Variants in FREM3 observed in about 807,000 individuals in gnomAD.
FREM3 encodes the protein FRAS1-related extracellular matrix protein 3.
Under a neutral mutation model 129.1 loss-of-function variants are expected in FREM3, and 105 were observed. The ratio of observed to expected loss-of-function variants is 0.81; its 90% CI spans 0.69 to 0.96. FREM3 has a LOEUF of 0.96. FREM3 is among the 40% of genes least tolerant of loss of function. The pLI is 0.00. For missense variants in FREM3, 2,593 were observed against 2,666.3 expected, an observed-to-expected ratio of 0.97 and a Z score of 0.61; for synonymous variants, 1,014 against 1,044.9, an observed-to-expected ratio of 0.97 and a Z score of 0.57.
intron 6 of FREM3, among the ~76,000 whole-genome samples, chr4:143,599,681 T>A (rs1310231986): frequency 6.6e-6 from 1 of 152,076 alleles, no homozygotes; most frequent in South Asian, 2.1e-4. Context: ...AAGTGTAACC[T>A]CTGGCAAAGG....
intron 5 of FREM3, among the ~76,000 whole-genome samples, chr4:143,615,717 A>AC (rs397732502): frequency 1.4e-5 from 2 of 144,860 alleles, no homozygotes; most frequent in Non-Finnish European, 2.9e-5. Flanking sequence ...CAAAAAAAAA[A>AC]CAAAAACCCA....
At chr4:143,694,661 G>A (rs1425382839) in intron 1 of FREM3, among the ~76,000 whole-genome samples, 1 of 152,116 alleles carries the variant, frequency 6.6e-6, no homozygotes, top group Non-Finnish European at 1.5e-5. Flanking sequence ...TATACTTTAA[G>A]TTCTGGGATA....
In FREM3 at chr4:143,697,856, G is replaced by C; in HGVS notation, c.2820C>G (p.Asn940Lys). The C allele has an allele frequency of 6.5e-7, 1 of 1,537,828 alleles. No individual in the cohort carries two copies. The change falls in exon 1 of 8, where the codon AAC becomes AAG. Residue 940 changes from asparagine to lysine, a missense_variant. Physicochemically the swap from Asn to Lys is moderately conservative, Grantham distance 94. Coordinates refer to ENST00000329798, the MANE Select transcript of FREM3 (RefSeq NM_001168235.2). Reference sequence around the variant, plus strand: ...TTCTGAGAGAGATCCTAGGACTTCTGTTAGCCACATTGGGATGCACAGAAA... The same window carrying C: ...TTCTGAGAGAGATCCTAGGACTTCTCTTAGCCACATTGGGATGCACAGAAA... Reference protein sequence around the residue: ...IPISVHPNVANRSPRISLRSS... With the variant: ...IPISVHPNVAKRSPRISLRSS...
At chr4:143,611,669 A>G in intron 5 of FREM3, 142 bp from the exon 6 acceptor site, 1 of 731,938 alleles carries the variant, frequency 1.4e-6, no homozygotes. Context: ...CACAAATAGT[A>G]ATACTGTAAG....
intron 2 of FREM3, among the ~76,000 whole-genome samples, chr4:143,655,968 C>A (rs1048061061): frequency 6.6e-6 from 1 of 152,112 alleles, no homozygotes; most frequent in Non-Finnish European, 1.5e-5. Flanking sequence ...ATAGGCATAA[C>A]CCCTGTATTA....
chr4:143,678,308 G>A (rs80238244), intron 2 of FREM3, among the ~76,000 whole-genome samples: 11,034 of 151,810 alleles, frequency 0.073, 1,068 homozygotes, highest in African/African-American at 0.21. Context: ...ACCAAACACC[G>A]CATGTTCTCA....
rs1740596391 is a variant in FREM3, at chr4:143,697,456, CG to C, written c.3219del (p.Phe1073LeufsTer16). Reference protein sequence around the residue: ...LPVDNVGPKVFVGESFIVYEG... With the variant: ...LPVDNVGPKVXVGESFIVYEG... ...TCATAGACAATGAAGGACTCCCCGA[CG>C]AAGACCTTGGGTCCCACATTGTCCA... On this transcript the variant is annotated frameshift_variant, in exon 1 of 8. Transcript: ENST00000329798. LOFTEE classifies it high-confidence loss of function. 2.0e-6 allele frequency: 3 copies of C among 1,537,228 alleles called. No homozygotes were observed. Among genetic ancestry groups the C allele is most frequent in the Middle Eastern group, 1.7e-4 (1 of 5,990 alleles).
intron 2 of FREM3, among the ~76,000 whole-genome samples, chr4:143,664,106 C>A (rs189050015): frequency 6.6e-6 from 1 of 152,136 alleles, no homozygotes; most frequent in Non-Finnish European, 1.5e-5. Flanking sequence ...TTCTCCGTCC[C>A]GCTTTGTTCC....
At chr4:143,617,791 C>G (rs1406429117) in intron 5 of FREM3, among the ~76,000 whole-genome samples, 1 of 152,194 alleles carries the variant, frequency 6.6e-6, no homozygotes, top group Non-Finnish European at 1.5e-5. Context: ...CTAATTCTTT[C>G]TTCCATTGGT....
intron 6 of FREM3, among the ~76,000 whole-genome samples, chr4:143,595,276 T>C (rs1025173340): frequency 1.3e-5 from 2 of 152,234 alleles, no homozygotes; most frequent in Non-Finnish European, 2.9e-5. Context: ...GTAGGCTTAA[T>C]CTTTAGAACA....
chr4:143,577,561 T>G lies in FREM3; in HGVS notation c.*50A>C, dbSNP rs1166072610. 3 of 1,488,202 alleles carry G rather than the reference T, an allele frequency of 2.0e-6. No individual in the cohort carries two copies. The highest frequency in any genetic ancestry group is 2.7e-6 in the Non-Finnish European group (3 of 1,115,744). 92.2% of individuals were successfully genotyped at this position (1,488,202 alleles called of 1,614,324 possible). A position where few individuals can be genotyped will look rare whatever the true frequency, so the allele number is the denominator to read the frequency against. ...AGATCTATAAACAGTAGAGTTTCAT[T>G]CTGTTGTTAGGAGACATATCTTGGC... is the stretch of plus-strand genomic sequence containing the variant. On this transcript the variant is annotated 3_prime_UTR_variant, in exon 8 of 8. Coordinates refer to ENST00000329798, the MANE Select transcript of FREM3 (RefSeq NM_001168235.2).
chr4:143,620,462 T>C (rs1338439235), intron 5 of FREM3, among the ~76,000 whole-genome samples: 1 of 152,184 alleles, frequency 6.6e-6, no homozygotes, highest in Non-Finnish European at 1.5e-5. Context: ...TGTTAGAGAA[T>C]ATGATCCTGA....
chr4:143,592,069 CT>C (rs1738373991), intron 6 of FREM3, among the ~76,000 whole-genome samples: 1 of 152,068 alleles, frequency 6.6e-6, no homozygotes, highest in Non-Finnish European at 1.5e-5. Context: ...CAACCCCTGC[CT>C]TTTTTTGTTT....
At chr4:143,628,822 C>G (rs922030593) in intron 2 of FREM3, among the ~76,000 whole-genome samples, 1 of 152,100 alleles carries the variant, frequency 6.6e-6, no homozygotes, top group Non-Finnish European at 1.5e-5. Context: ...ACATCTCCTT[C>G]TATAGTTGGA....
At chr4:143,620,957 C>G in intron 5 of FREM3, 80 bp downstream of exon 5, 1 of 1,383,876 alleles carries the variant, frequency 7.2e-7, no homozygotes, top group South Asian at 1.3e-5. Context: ...TTTGCTCACC[C>G]TCTGTGGTAC....
At chr4:143,628,153 T>C (rs1053532909) in intron 2 of FREM3, among the ~76,000 whole-genome samples, 7 of 152,162 alleles carry the variant, frequency 4.6e-5, no homozygotes, top group Non-Finnish European at 8.8e-5. Flanking sequence ...CTTACTCCTT[T>C]ATATTATTTG....
intron 6 of FREM3, among the ~76,000 whole-genome samples, chr4:143,586,823 G>T (rs1342869124): frequency 2.0e-5 from 3 of 152,144 alleles, no homozygotes; most frequent in Non-Finnish European, 4.4e-5. Context: ...TCATGAAAAA[G>T]ATTTTGAGAT....
intron 6 of FREM3, among the ~76,000 whole-genome samples, chr4:143,602,946 G>C (rs1186574482): frequency 6.6e-6 from 1 of 152,128 alleles, no homozygotes; most frequent in East Asian, 1.9e-4. Context: ...ATTTTGCCCA[G>C]GATGGAGATG....
intron 6 of FREM3, among the ~76,000 whole-genome samples, chr4:143,595,635 C>T (rs930989750): frequency 8.5e-5 from 13 of 152,234 alleles, no homozygotes; most frequent in African/African-American, 3.1e-4. Flanking sequence ...TGCCTGTAAT[C>T]CCAGCACTTT....
Sources: gnomAD v4.1 joint callset for allele counts (sites outside exome capture counted in the v4.1 genomes callset) on GRCh38, gnomAD v4.1.1 for gene constraint, MANE v1.5 for transcripts, NCBI Gene and HGNC (gene_info 2026-07-23, HGNC 2026-07-21) for gene names.